ATF7: variants seen among roughly 807,000 people sequenced by gnomAD.
ATF7 encodes cyclic AMP-dependent transcription factor ATF-7.
ATF7 carries 10 observed loss-of-function variants against 50.4 expected under a neutral mutation model. The observed-to-expected ratio is 0.20, with a 90% CI of 0.12 to 0.34. ATF7 has a LOEUF of 0.34. ATF7 is among the 10% of genes least tolerant of loss of function. The pLI, the probability that ATF7 is intolerant of heterozygous loss-of-function variation, is 1.00. For missense variants in ATF7, 465 were observed against 613.9 expected (o/e 0.76, Z 2.56); for synonymous variants, 201 against 226.4 (o/e 0.89, Z 1.01).
At chr12:53,509,470 T>C (rs1418012982), downstream of ATF7, among the ~76,000 whole-genome samples, 1 of 151,986 alleles carries the variant, frequency 6.6e-6, no homozygotes, top group African/African-American at 2.4e-5. Context: ...GCTCTTCATA[T>C]TTTTGAAGAG....
In ATF7 at chr12:53,546,977, C is replaced by CT. The variant is rs565759569; in HGVS notation, c.146-3530dup. Among the ~76,000 whole-genome samples the CT allele has an allele frequency of 5.4e-3, 634 of 116,424 alleles. 5 individuals carry two copies. The highest frequency in any genetic ancestry group is 0.011 in the Middle Eastern group (2 of 184). 76.4% of individuals were successfully genotyped at this position (116,424 alleles called of 152,430 possible). A position where few individuals can be genotyped will look rare whatever the true frequency, so the allele number is the denominator to read the frequency against. ...TTTCTTTATGCTGCCCAGGCTGGCT[C>CT]TTTTTTTTTTTTTTTTTTTTTCCTT... On this transcript the variant is annotated intron_variant, in intron 3 of 11. Transcript: ENST00000420353.
At chr12:53,594,871 G>C (rs1025151421) in intron 2 of ATF7, among the ~76,000 whole-genome samples, 1 of 147,258 alleles carries the variant, frequency 6.8e-6, no homozygotes, top group Admixed American at 6.8e-5. Context: ...TTGGGTGACA[G>C]AGCGAGACCC....
intron 2 of ATF7, among the ~76,000 whole-genome samples, chr12:53,564,657 A>ATG (rs1941342416): frequency 6.6e-6 from 1 of 152,224 alleles, no homozygotes; most frequent in Non-Finnish European, 1.5e-5. Context: ...TTACAATTAA[A>ATG]TCAACAAGCT....
intron 2 of ATF7, among the ~76,000 whole-genome samples, chr12:53,569,827 T>C (rs893792929): frequency 2.0e-5 from 3 of 152,122 alleles, no homozygotes; most frequent in African/African-American, 7.2e-5. Context: ...CACAAGCATG[T>C]GCCACCATGC....
intron 3 of ATF7, among the ~76,000 whole-genome samples, chr12:53,550,498 G>A (rs964059735): frequency 6.6e-6 from 1 of 152,012 alleles, no homozygotes; most frequent in Non-Finnish European, 1.5e-5. Flanking sequence ...ACTAATCAAG[G>A]AGGCCAGCTA....
intron 2 of ATF7, among the ~76,000 whole-genome samples, chr12:53,587,843 A>ATTTTTTTTTTT (rs201692852): frequency 3.2e-5 from 2 of 61,566 alleles, no homozygotes; most frequent in African/African-American, 1.0e-4. Flanking sequence ...ATATATATAT[A>ATTTTTTTTTTT]TTTTTTTTTT....
In ATF7 at chr12:53,533,380, A is replaced by G. The variant is rs879158249; in HGVS notation, c.561-121T>C. ...TAGGGAAGGTATAGGGCAGCATGGT[A>G]AAAATCTTGACACCCTCATGAAGGT... On this transcript the variant is annotated intron_variant, in intron 6 of 11. Transcript: ENST00000420353. 4.5e-5 allele frequency: 33 copies of G among 741,100 alleles called. 1 individual carries two copies. The South Asian group carries it at 6.1e-4, about 14-fold the overall frequency. 45.9% of individuals were successfully genotyped at this position (741,100 alleles called of 1,614,324 possible).
chr12:53,556,198 C>T (rs1940742214), intron 2 of ATF7, among the ~76,000 whole-genome samples: 2 of 152,202 alleles, frequency 1.3e-5, no homozygotes, highest in Non-Finnish European at 2.9e-5. Context: ...CGATGTTGGC[C>T]AGTGCAGTGG....
chr12:53,566,571 G>C (rs946481649), intron 2 of ATF7, among the ~76,000 whole-genome samples: 2 of 152,104 alleles, frequency 1.3e-5, no homozygotes, highest in African/African-American at 4.8e-5. Flanking sequence ...GATGCTACCT[G>C]CCCCTTATTT....
chr12:53,608,611 T>C (rs1943714671), intron 1 of ATF7, among the ~76,000 whole-genome samples: 3 of 152,294 alleles, frequency 2.0e-5, no homozygotes, highest in Middle Eastern at 3.4e-3. Flanking sequence ...GTTTAGCAGG[T>C]ACCGAATACC....
chr12:53,571,048 T>C (rs931752913), intron 2 of ATF7, among the ~76,000 whole-genome samples: 2 of 152,088 alleles, frequency 1.3e-5, no homozygotes, highest in African/African-American at 4.8e-5. Context: ...GAGGGGATTA[T>C]CCAGATGGGC....
At chr12:53,587,320 T>G (rs1449183763) in intron 2 of ATF7, among the ~76,000 whole-genome samples, 1 of 137,452 alleles carries the variant, frequency 7.3e-6, no homozygotes, top group Non-Finnish European at 1.5e-5. Flanking sequence ...TTAGCCGAGT[T>G]TGTGCCACTA....
rs1938970087 is a variant in ATF7, at chr12:53,532,597, G to A, written c.687C>T (p.Pro229=). 1 of 1,607,942 alleles carries A rather than the reference G, an allele frequency of 6.2e-7. No individual in the cohort carries two copies. The highest frequency in any genetic ancestry group is 1.1e-5 in the South Asian group (1 of 89,606). Residue 229 remains proline, a synonymous_variant, in exon 8 of 12, where the codon CCC becomes CCT. Transcript: ENST00000420353. The part of the protein sequence containing the change: ...ISLARPVSMV[P]NIPGIPGPPV... ...GTGGGCCAGGGATACCAGGAATGTT[G>A]GGCACCATGGACACAGGTCTGGCCA... is the stretch of plus-strand genomic sequence containing the variant.
At chr12:53,562,576 G>A (rs993833118) in intron 2 of ATF7, among the ~76,000 whole-genome samples, 1 of 151,980 alleles carries the variant, frequency 6.6e-6, no homozygotes, top group African/African-American at 2.4e-5. Flanking sequence ...CCAGAAGGCC[G>A]GTGAGCCGAG....
At chr12:53,568,901 C>T (rs1244868265) in intron 2 of ATF7, among the ~76,000 whole-genome samples, 1 of 152,184 alleles carries the variant, frequency 6.6e-6, no homozygotes, top group Non-Finnish European at 1.5e-5. Flanking sequence ...GTGGCTCATG[C>T]TGGTAATCCC....
In ATF7 at chr12:53,513,623, T is replaced by C. The variant is rs1398768454; in HGVS notation, c.*3514A>G. 2 of 152,176 alleles carry C rather than the reference T, an allele frequency of 1.3e-5. No homozygotes were observed. The highest frequency in any genetic ancestry group is 2.4e-5 in the African/African-American group (1 of 41,424). 9.4% of individuals were successfully genotyped at this position (152,176 alleles called of 1,614,324 possible). A position where few individuals can be genotyped will look rare whatever the true frequency, so the allele number is the denominator to read the frequency against. Reference sequence around the variant, plus strand: ...AAATAATGTATTTCCTTCCTGTGTATATAATGTACAATATTAATGAAAAAT... The same window carrying C: ...AAATAATGTATTTCCTTCCTGTGTACATAATGTACAATATTAATGAAAAAT... On this transcript the variant is annotated 3_prime_UTR_variant, in exon 12 of 12. Transcript: ENST00000420353.
chr12:53,601,071 A>C, intron 1 of ATF7, 50 bp from the exon 2 acceptor site: 1 of 476,020 alleles, frequency 2.1e-6, no homozygotes, highest in Non-Finnish European at 3.0e-6. Context: ...TGCTGGAGCA[A>C]AAAAAAAAAA....
intron 2 of ATF7, among the ~76,000 whole-genome samples, chr12:53,579,396 A>G (rs2137685166): frequency 6.6e-6 from 1 of 152,206 alleles, no homozygotes; most frequent in African/African-American, 2.4e-5. Flanking sequence ...TACTAAAAAT[A>G]CAAAAATTAG....
intron 1 of ATF7, among the ~76,000 whole-genome samples, chr12:53,609,295 C>T (rs1488459547): frequency 2.0e-5 from 3 of 151,632 alleles, no homozygotes. Context: ...GCTGGGATTA[C>T]AGGCATGCGC....
Sources: gnomAD v4.1 joint callset for allele counts (sites outside exome capture counted in the v4.1 genomes callset) on GRCh38, gnomAD v4.1.1 for gene constraint, MANE v1.5 for transcripts, NCBI Gene and HGNC (gene_info 2026-07-23, HGNC 2026-07-21) for gene names.